The following SVEP1 variants were observed in gnomAD, a reference collection of about 807,000 sequenced individuals.
The protein encoded by SVEP1 is sushi, von Willebrand factor type A, EGF and pentraxin domain-containing protein 1.
SVEP1 carries 164 observed loss-of-function variants against 367.3 expected under a neutral mutation model. The ratio of observed to expected loss-of-function variants is 0.45; its 90% CI spans 0.39 to 0.51. The LOEUF is 0.51. Among genes scored for constraint, SVEP1 ranks in the 20% least tolerant of loss-of-function variants. SVEP1 has a pLI of 0.00. For missense variants in SVEP1, 4,117 were observed against 4,425.3 expected (o/e 0.93, Z 1.98); for synonymous variants, 1,666 against 1,611.6 (o/e 1.03, Z -0.81).
At position 110,407,966 on chromosome 9, in the gene SVEP1, T is replaced by A; in HGVS notation, c.7634A>T (p.Asp2545Val). ...GGCATTGCAAGATGGGGCATCTACA[T>A]CCCAATCACCTGTCTCTAAACAGGT... is the stretch of plus-strand genomic sequence containing the variant. ...ALTCLETGDW[D>V]VDAPSCNAIH... The change falls in exon 38 of 48, where the codon GAT (aspartate) becomes GTT (valine). Residue 2545 changes from aspartate (D) to valine (V), a missense_variant. Coordinates refer to ENST00000374469, the MANE Select transcript of SVEP1 (RefSeq NM_153366.4). 6.2e-7 allele frequency: 1 copy of A among 1,613,992 alleles called. No individual in the cohort carries two copies. Among genetic ancestry groups the A allele is most frequent in the Non-Finnish European group, 8.5e-7 (1 of 1,179,886 alleles).
In SVEP1 at chr9:110,432,547, G is replaced by A. The variant is rs1828366554; in HGVS notation, c.5148C>T (p.Cys1716=). 1.2e-6 allele frequency: 2 copies of A among 1,613,802 alleles called. No individual in the cohort carries two copies. The highest frequency in any genetic ancestry group is 2.7e-5 in the African/African-American group (2 of 74,922). ...CACCCAATAGATAGTAGCCATTGTT[G>A]CACTGGTAGGTTACTGTGCTGCCAG... ...FYAGSTVTYQ[C]NNGYYLLGDS... The change falls in exon 31 of 48, where the codon TGC becomes TGT. Residue 1716 remains cysteine (C), a synonymous_variant. Coordinates refer to ENST00000374469, the MANE Select transcript of SVEP1 (RefSeq NM_153366.4).
intron 1 of SVEP1, among the ~76,000 whole-genome samples, chr9:110,556,652 G>T (rs1283152469): frequency 6.6e-6 from 1 of 151,882 alleles, no homozygotes; most frequent in African/African-American, 2.4e-5. Flanking sequence ...GTGCCACCAC[G>T]CCCAGCTAAT....
chr9:110,500,631 G>A (rs114756122), intron 6 of SVEP1, among the ~76,000 whole-genome samples: 2,138 of 152,160 alleles, frequency 0.014, 49 homozygotes, highest in African/African-American at 0.05. Context: ...TCTGTGTTCA[G>A]TGTGAATTGA....
intron 3 of SVEP1, among the ~76,000 whole-genome samples, chr9:110,542,742 T>A (rs1319684269): frequency 1.3e-5 from 2 of 150,808 alleles, no homozygotes; most frequent in Non-Finnish European, 2.9e-5. Context: ...TCAACATTTA[T>A]TTACCAAATG....
At chr9:110,476,946 C>T (rs986859073) in intron 13 of SVEP1, among the ~76,000 whole-genome samples, 3 of 152,216 alleles carry the variant, frequency 2.0e-5, no homozygotes, top group Non-Finnish European at 4.4e-5. Flanking sequence ...CTACCACTCA[C>T]TGACCCTTCT....
chr9:110,546,352 T>G (rs1385988699), intron 2 of SVEP1, 61 bp from the exon 3 acceptor site: 4 of 1,502,914 alleles, frequency 2.7e-6, no homozygotes, highest in African/African-American at 1.4e-5. Flanking sequence ...TTACATTCTC[T>G]GGTCATTAAA....
chr9:110,385,827 A>G, intron 43 of SVEP1, 71 bp downstream of exon 43: 1 of 1,514,990 alleles, frequency 6.6e-7, no homozygotes, highest in Non-Finnish European at 8.9e-7. Flanking sequence ...GACTTGATTG[A>G]AAACAACCTC....
At chr9:110,401,080 A>G (rs1261138099) in intron 39 of SVEP1, 71 bp from the exon 40 acceptor site, 3 of 1,564,510 alleles carry the variant, frequency 1.9e-6, no homozygotes, top group Non-Finnish European at 2.6e-6. Flanking sequence ...ATTTGCAAAT[A>G]TTGGTTATTT....
chr9:110,545,733 T>C (rs1830211877), intron 3 of SVEP1, among the ~76,000 whole-genome samples: 1 of 152,150 alleles, frequency 6.6e-6, no homozygotes, highest in Non-Finnish European at 1.5e-5. Flanking sequence ...GTTCTGAACC[T>C]AGGCTTCAAG....
chr9:110,518,104 G>C (rs2118786841), intron 3 of SVEP1, among the ~76,000 whole-genome samples: 1 of 152,110 alleles, frequency 6.6e-6, no homozygotes, highest in South Asian at 2.1e-4. Context: ...ACAATGAATA[G>C]GTATTATGTG....
chr9:110,432,245 G>A (rs1417998908), intron 31 of SVEP1, among the ~76,000 whole-genome samples: 1 of 151,992 alleles, frequency 6.6e-6, no homozygotes, highest in Admixed American at 6.6e-5. Context: ...TATAAGACAG[G>A]GATATATAAA....
chr9:110,462,084 G>A (rs1253926763), intron 18 of SVEP1, among the ~76,000 whole-genome samples: 1 of 152,056 alleles, frequency 6.6e-6, no homozygotes, highest in Non-Finnish European at 1.5e-5. Context: ...CTCTGAGTAT[G>A]TATGAAATGC....
chr9:110,576,441 C>T (rs1188272370), intron 1 of SVEP1, among the ~76,000 whole-genome samples: 2 of 152,084 alleles, frequency 1.3e-5, no homozygotes, highest in Non-Finnish European at 1.5e-5. Flanking sequence ...TGTATGAAAA[C>T]ATGCCTATTA....
intron 5 of SVEP1, among the ~76,000 whole-genome samples, chr9:110,510,459 T>G (rs1170753437): frequency 6.6e-6 from 1 of 152,188 alleles, no homozygotes; most frequent in Non-Finnish European, 1.5e-5. Flanking sequence ...GGGGCAGGTC[T>G]GCAGATGCAC....
chr9:110,406,615 C>T lies in SVEP1; in HGVS notation c.8985G>A (p.Trp2995Ter). 1 of 1,613,922 alleles carries T rather than the reference C, an allele frequency of 6.2e-7. No individual in the cohort carries two copies. Among genetic ancestry groups the T allele is most frequent in the South Asian group, 1.1e-5 (1 of 91,080 alleles). Residue 2995 changes from tryptophan (W) to a stop codon, truncating the protein, a stop_gained, in exon 38 of 48, where the codon TGG becomes TGA. Coordinates refer to ENST00000374469, the MANE Select transcript of SVEP1 (RefSeq NM_153366.4). LOFTEE classifies it high-confidence loss of function. ...GCAGGCAGGAAGGTGAGCTGCCACT[C>T]CAGGAGCCATTGGAGAGGCACCTTC... ...SSRRCLSNGS[W>*]SGSSPSCLPC...
In SVEP1 at chr9:110,410,930, T is replaced by C. The variant is rs180856475; in HGVS notation, c.6648+133A>G. 1,760 of 665,004 alleles carry C rather than the reference T, an allele frequency of 2.6e-3. 6 individuals carry two copies. Among genetic ancestry groups the C allele is most frequent in the Non-Finnish European group, 4.0e-3 (1,636 of 413,948 alleles). The allele number at this position is 665,004 out of a possible 1,614,324, so 41.2% of individuals were successfully genotyped here. On this transcript the variant is annotated intron_variant, in intron 37 of 47. Transcript: ENST00000374469. ...AAAGATTATCATGATTCTTTGTTAG[T>C]GATAATAGTAAATTCCAGTTTCCAT... is the stretch of plus-strand genomic sequence containing the variant.
Position 110,407,406 on chromosome 9 carries a change from C to T in SVEP1, c.8194G>A (p.Glu2732Lys). Reference sequence around the variant, plus strand: ...TGCACAGCACTTCCCATGCTAGTCTCTGTAAAACGCAAAAAGCCATTTTCA... The same window carrying T: ...TGCACAGCACTTCCCATGCTAGTCTTTGTAAAACGCAAAAAGCCATTTTCA... ...APENGFLRFT[E>K]TSMGSAVQYS... The change falls in exon 38 of 48, where the codon GAG (glutamate) becomes AAG (lysine). Residue 2732 changes from glutamate (E) to lysine (K), a missense_variant. Glu to Lys is a moderately conservative substitution (Grantham distance 56). Coordinates refer to ENST00000374469, the MANE Select transcript of SVEP1 (RefSeq NM_153366.4). 1 of 1,614,040 alleles carries T rather than the reference C, an allele frequency of 6.2e-7. No homozygotes were observed. Among genetic ancestry groups the T allele is most frequent in the East Asian group, 2.2e-5 (1 of 44,890 alleles).
intron 13 of SVEP1, among the ~76,000 whole-genome samples, 178 bp downstream of exon 13, chr9:110,479,457 A>G (rs985296117): frequency 2.6e-5 from 4 of 152,344 alleles, no homozygotes; most frequent in Middle Eastern, 3.4e-3. Flanking sequence ...GTTTTAATGC[A>G]TATTTACTTC....
At chr9:110,440,713 G>C (rs897172352) in intron 27 of SVEP1, among the ~76,000 whole-genome samples, 7 of 152,156 alleles carry the variant, frequency 4.6e-5, no homozygotes, top group Non-Finnish European at 1.0e-4. Flanking sequence ...AGAGTTTCTA[G>C]GCAAAGGAGT....
Sources: allele counts gnomAD v4.1 joint callset (sites outside exome capture counted in the v4.1 genomes callset), GRCh38; gene constraint gnomAD v4.1.1; transcripts MANE v1.5; gene names NCBI Gene and HGNC (gene_info 2026-07-23, HGNC 2026-07-21).